THSD7A: variants seen among roughly 807,000 people sequenced by gnomAD.
THSD7A encodes the protein thrombospondin type-1 domain-containing protein 7A.
In THSD7A, 96 loss-of-function variants were observed where a neutral mutation model predicts 231.3. The ratio of observed to expected loss-of-function variants is 0.41; its 90% confidence interval spans 0.35 to 0.49. THSD7A has a LOEUF of 0.49. Ranked by LOEUF, THSD7A falls within the 20% of genes least tolerant of loss-of-function variation. THSD7A has a pLI of 0.05. For synonymous variants in THSD7A, 940 were observed against 743.3 expected (o/e 1.26, Z -4.30); for missense variants, 2,290 against 2,070.2 (o/e 1.11, Z -2.06).
In THSD7A at chr7:11,371,263, A is replaced by G. The variant is rs1005104237; in HGVS notation, c.*4531T>C. ...AAACCATCCTTTTTATAAATGGATAACTATTTGCTTGGCTCACACACCAGT... is the reference window on the plus strand; with the variant it reads ...AAACCATCCTTTTTATAAATGGATAGCTATTTGCTTGGCTCACACACCAGT... On this transcript the variant is annotated 3_prime_UTR_variant, in exon 28 of 28. Transcript: ENST00000423059. 1.3e-5 allele frequency: 2 copies of G among 152,210 alleles called. No individual in the cohort carries two copies. Among genetic ancestry groups the G allele is most frequent in the Non-Finnish European group, 2.9e-5 (2 of 68,030 alleles). The allele number at this position is 152,210 out of a possible 1,614,324, so 9.4% of individuals were successfully genotyped here. A position where few individuals can be genotyped will look rare whatever the true frequency, so the allele number is the denominator to read the frequency against.
intron 4 of THSD7A, among the ~76,000 whole-genome samples, chr7:11,554,762 T>C (rs1012281909): frequency 6.6e-6 from 1 of 152,022 alleles, no homozygotes; most frequent in Admixed American, 6.6e-5. Flanking sequence ...GAACTGTCAG[T>C]GCCTTTGTTG....
chr7:11,755,581 C>G (rs949934082), intron 1 of THSD7A, among the ~76,000 whole-genome samples: 1 of 151,972 alleles, frequency 6.6e-6, no homozygotes, highest in Non-Finnish European at 1.5e-5. Flanking sequence ...GTAGAAAGAG[C>G]CTCGGATGGC....
Position 11,481,811 on chromosome 7 carries a change from A to C in THSD7A, c.1994T>G (p.Ile665Ser), listed in dbSNP as rs920851200. 2.5e-6 allele frequency: 4 copies of C among 1,613,140 alleles called. No homozygotes were observed. The highest frequency in any genetic ancestry group is 2.5e-6 in the Non-Finnish European group (3 of 1,179,458). ...ACCTTCTTCACCCGCATAGGCCAGAATGGATCGTGCTCGTATCTGTTTCCC... is the reference window on the plus strand; with the variant it reads ...ACCTTCTTCACCCGCATAGGCCAGACTGGATCGTGCTCGTATCTGTTTCCC... ...TEGKQIRARS[I>S]LAYAGEEGGI... The change falls in exon 7 of 28, where the codon ATT (isoleucine) becomes AGT (serine). Residue 665 changes from isoleucine (I) to serine (S), a missense_variant. Coordinates refer to ENST00000423059, the MANE Select transcript of THSD7A (RefSeq NM_015204.3).
intron 13 of THSD7A, among the ~76,000 whole-genome samples, chr7:11,440,502 G>T (rs1341453880): frequency 6.6e-6 from 1 of 152,042 alleles, no homozygotes; most frequent in East Asian, 1.9e-4. Context: ...CAACCTAGAT[G>T]CCATTAAGAA....
chr7:11,391,687 G>T (rs1459593592), intron 23 of THSD7A, among the ~76,000 whole-genome samples: 1 of 152,184 alleles, frequency 6.6e-6, no homozygotes, highest in South Asian at 2.1e-4. Context: ...CAGCTAGCTA[G>T]GTGTCTTCCC....
intron 1 of THSD7A, among the ~76,000 whole-genome samples, chr7:11,642,044 T>C (rs989539587): frequency 1.3e-5 from 2 of 152,202 alleles, no homozygotes; most frequent in African/African-American, 2.4e-5. Flanking sequence ...AAACTGAGAA[T>C]TGTTAACCCA....
At chr7:11,502,771 T>C (rs1280565638) in intron 6 of THSD7A, among the ~76,000 whole-genome samples, 2 of 151,862 alleles carry the variant, frequency 1.3e-5, no homozygotes, top group Non-Finnish European at 2.9e-5. Flanking sequence ...ATCTCTAAAA[T>C]AATTACAAAA....
At chr7:11,622,934 G>A (rs537762686) in intron 2 of THSD7A, among the ~76,000 whole-genome samples, 13 of 152,278 alleles carry the variant, frequency 8.5e-5, no homozygotes, top group Admixed American at 2.0e-4. Context: ...TATCTTCATA[G>A]TTGTGGGAGA....
At position 11,474,453 on chromosome 7, in the gene THSD7A, G is replaced by C. The variant is rs760110830; in HGVS notation, c.2133C>G (p.Thr711=). ...TGPWGQCIED[T]SVSSFNTTTT... ...TAGTTGTGTTGAAGGACGATACTGA[G>C]GTGTCCTCAATGCACTGGCCCCAGG... The change falls in exon 8 of 28, where the codon ACC becomes ACG. Residue 711 remains threonine, a synonymous_variant. Coordinates refer to ENST00000423059, the MANE Select transcript of THSD7A (RefSeq NM_015204.3). This position sits in a 1 kb window ranked among gnomAD's most constrained non-coding sequence, Gnocchi z 4.1. The C allele has an allele frequency of 6.2e-7, 1 of 1,613,592 alleles. No individual in the cohort carries two copies. Among genetic ancestry groups the C allele is most frequent in the South Asian group, 1.1e-5 (1 of 91,072 alleles).
intron 9 of THSD7A, among the ~76,000 whole-genome samples, chr7:11,465,222 CT>C (rs1343484491): frequency 2.0e-5 from 3 of 152,140 alleles, no homozygotes; most frequent in African/African-American, 7.2e-5. Flanking sequence ...TAGTTAGCAC[CT>C]TCTATTTCTT....
intron 7 of THSD7A, among the ~76,000 whole-genome samples, chr7:11,476,790 G>C (rs1786203661): frequency 6.7e-6 from 1 of 148,204 alleles, no homozygotes; most frequent in Admixed American, 6.8e-5. Flanking sequence ...ACTCCAGCCT[G>C]GTCAACAGAG....
At chr7:11,780,489 C>A (rs1046830836) in intron 1 of THSD7A, among the ~76,000 whole-genome samples, 12 of 152,106 alleles carry the variant, frequency 7.9e-5, no homozygotes, top group African/African-American at 2.7e-4. Flanking sequence ...ATACAGAGAT[C>A]CATGTGACAA....
chr7:11,560,102 C>T (rs985257272), intron 4 of THSD7A, among the ~76,000 whole-genome samples: 3 of 152,052 alleles, frequency 2.0e-5, no homozygotes, highest in Non-Finnish European at 4.4e-5. Context: ...TAAGCTAGAG[C>T]ATAATCACCA....
chr7:11,459,304 C>T (rs907304797), intron 11 of THSD7A, among the ~76,000 whole-genome samples: 2 of 151,928 alleles, frequency 1.3e-5, no homozygotes, highest in African/African-American at 4.8e-5. Context: ...TCCTGATTCC[C>T]AAACTCATGC....
At chr7:11,522,265 T>C (rs1484806792) in intron 6 of THSD7A, among the ~76,000 whole-genome samples, 2 of 152,164 alleles carry the variant, frequency 1.3e-5, no homozygotes, top group African/African-American at 4.8e-5. Context: ...GCTTCCCCCA[T>C]TTCCCTGTAA....
At chr7:11,760,045 AG>A (rs1185788901) in intron 1 of THSD7A, among the ~76,000 whole-genome samples, 1 of 152,022 alleles carries the variant, frequency 6.6e-6, no homozygotes, top group African/African-American at 2.4e-5. Context: ...ACAAGTTGGG[AG>A]GGGTGGTTAG....
intron 1 of THSD7A, among the ~76,000 whole-genome samples, chr7:11,728,470 C>A (rs2355070): frequency 6.3e-4 from 95 of 151,932 alleles, no homozygotes; most frequent in Middle Eastern, 3.4e-3. Context: ...TTGAAGGCTG[C>A]ACAAAGTGTG....
At chr7:11,789,650 T>C (rs868382616) in intron 1 of THSD7A, among the ~76,000 whole-genome samples, 2 of 151,992 alleles carry the variant, frequency 1.3e-5, no homozygotes, top group African/African-American at 4.8e-5. Context: ...TTGTTAACTA[T>C]AGACATGTTA....
At chr7:11,599,915 A>G (rs1008049415) in intron 2 of THSD7A, among the ~76,000 whole-genome samples, 2 of 151,966 alleles carry the variant, frequency 1.3e-5, no homozygotes, top group African/African-American at 4.8e-5. Flanking sequence ...TCTAGAATAT[A>G]AAGCAGTCAG....
Sources: gnomAD v4.1 joint callset for allele counts (sites outside exome capture counted in the v4.1 genomes callset) on GRCh38, gnomAD v4.1.1 for gene constraint, Gnocchi (gnomAD v3.1) non-coding constraint, MANE v1.5 for transcripts, NCBI Gene and HGNC (gene_info 2026-07-23, HGNC 2026-07-21) for gene names.